The following CPNE8 variants were observed in gnomAD, a reference collection of about 807,000 sequenced individuals.
The protein encoded by CPNE8 is copine 8, also known as copine-8.
CPNE8 carries 45 observed loss-of-function variants against 81.5 expected under a neutral mutation model. That is an observed-to-expected ratio of 0.55 (90% confidence interval 0.44 to 0.71). The LOEUF (loss-of-function observed/expected upper bound fraction) is 0.71, where lower values mean the gene tolerates loss of function less well. Among genes scored for constraint, CPNE8 ranks in the 30% least tolerant of loss-of-function variants. The pLI is 0.00. For synonymous variants in CPNE8, 252 were observed against 226.3 expected (o/e 1.11, Z -1.02); for missense variants, 594 against 672.1 (o/e 0.88, Z 1.28).
In CPNE8 at chr12:38,814,309, C is replaced by CTTTT. The variant is rs61444154; in HGVS notation, c.407+15066_407+15069dup. On this transcript the variant is annotated intron_variant, in intron 6 of 19. Transcript: ENST00000331366. ...AGAAAGTTTAAGGAGCCAGACCTGG[C>CTTTT]TTTTTTTTTTTTTTTTTTTTTTTTT... 5.5e-4 allele frequency among the ~76,000 whole-genome samples: 27 copies of CTTTT among 49,172 alleles called. 5 individuals carry two copies. Among genetic ancestry groups the CTTTT allele is most frequent in the Non-Finnish European group, 8.3e-4 (24 of 28,844 alleles). The allele number at this position is 49,172 out of a possible 152,430, so 32.3% of individuals were successfully genotyped here.
chr12:38,859,817 C>T (rs1274893473), intron 3 of CPNE8, among the ~76,000 whole-genome samples: 1 of 152,014 alleles, frequency 6.6e-6, no homozygotes, highest in African/African-American at 2.4e-5. Context: ...GGGAAGAGAT[C>T]ATTTCTTCAA....
At chr12:38,799,203 T>C (rs906110676) in intron 6 of CPNE8, among the ~76,000 whole-genome samples, 2 of 152,114 alleles carry the variant, frequency 1.3e-5, no homozygotes, top group African/African-American at 2.4e-5. Flanking sequence ...GGGGACCTAA[T>C]AGACATCTAC....
intron 12 of CPNE8, among the ~76,000 whole-genome samples, chr12:38,724,642 A>AAGTCACT (rs1940651210): frequency 1.3e-5 from 2 of 152,238 alleles, no homozygotes; most frequent in African/African-American, 4.8e-5. Context: ...ACAAGAAGCC[A>AAGTCACT]AGTCACTACC....
intron 19 of CPNE8, among the ~76,000 whole-genome samples, chr12:38,665,242 T>C (rs994366129): frequency 3.9e-5 from 6 of 152,228 alleles, no homozygotes; most frequent in African/African-American, 1.4e-4. Flanking sequence ...GAGAAACTTT[T>C]GTCCAAAATA....
chr12:38,870,471 G>A (rs1263114187), intron 3 of CPNE8, among the ~76,000 whole-genome samples: 1 of 152,150 alleles, frequency 6.6e-6, no homozygotes, highest in Admixed American at 6.5e-5. Flanking sequence ...CATAAAAAAG[G>A]ATGAGTTCAT....
At chr12:38,770,333 C>A (rs902443175) in intron 7 of CPNE8, among the ~76,000 whole-genome samples, 5 of 152,162 alleles carry the variant, frequency 3.3e-5, no homozygotes, top group Admixed American at 3.3e-4. Context: ...TCCAGTCCAC[C>A]ACCAGTTGCA....
chr12:38,666,553 T>C (rs1939060155), intron 19 of CPNE8, among the ~76,000 whole-genome samples: 1 of 152,102 alleles, frequency 6.6e-6, no homozygotes, highest in Non-Finnish European at 1.5e-5. Context: ...TTTGAAAGTA[T>C]AGGATTTCGA....
rs1398024616 is a variant in CPNE8, at chr12:38,730,243, A to G, written c.798+40T>C. On this transcript the variant is annotated intron_variant, in intron 11 of 19. Coordinates refer to ENST00000331366, the MANE Select transcript of CPNE8 (RefSeq NM_153634.3). ...ACACTTTTAAAGCACAGATTTATTT[A>G]TTCTAGAAAAAAACAATGGTAAAAT... 5 of 1,189,486 alleles carry G rather than the reference A, an allele frequency of 4.2e-6. No individual in the cohort carries two copies. In the Admixed American group the frequency reaches 8.7e-5, roughly 21 times the overall value. The allele number at this position is 1,189,486 out of a possible 1,614,324, so 73.7% of individuals were successfully genotyped here.
intron 13 of CPNE8, among the ~76,000 whole-genome samples, chr12:38,719,619 C>A (rs1332497583): frequency 3.3e-5 from 5 of 149,558 alleles, no homozygotes; most frequent in African/African-American, 9.8e-5. Context: ...AGAAATTGTG[C>A]CAATTGCTCT....
At chr12:38,753,203 G>T (rs983683058) in intron 10 of CPNE8, among the ~76,000 whole-genome samples, 5 of 152,170 alleles carry the variant, frequency 3.3e-5, no homozygotes, top group Non-Finnish European at 7.3e-5. Context: ...TGTAATCTCA[G>T]CACTTTGGGA....
chr12:38,787,826 A>G (rs1170338929), intron 6 of CPNE8, among the ~76,000 whole-genome samples: 1 of 151,820 alleles, frequency 6.6e-6, no homozygotes, highest in Non-Finnish European at 1.5e-5. Flanking sequence ...CTATATGCCA[A>G]TAAGTTAAGA....
At chr12:38,807,040 A>T (rs1333780788) in intron 6 of CPNE8, among the ~76,000 whole-genome samples, 1 of 152,162 alleles carries the variant, frequency 6.6e-6, no homozygotes, top group Admixed American at 6.6e-5. Flanking sequence ...AATCCAACTT[A>T]CAAGGGATGT....
intron 1 of CPNE8, among the ~76,000 whole-genome samples, 186 bp from the exon 2 acceptor site, chr12:38,874,697 A>G (rs1003811282): frequency 2.0e-5 from 3 of 152,172 alleles, no homozygotes; most frequent in African/African-American, 7.2e-5. Flanking sequence ...TTCAGACTGA[A>G]CATCACTGGA....
At chr12:38,904,460 G>GTTTTTTTTTTTTTTTTTTTTT (rs200928843) in intron 1 of CPNE8, among the ~76,000 whole-genome samples, 1 of 130,520 alleles carries the variant, frequency 7.7e-6, no homozygotes, top group African/African-American at 2.9e-5. Context: ...TTGAAAGTCA[G>GTTTTTTTTTTTTTTTTTTTTT]TTTTTTTTTG....
intron 16 of CPNE8, among the ~76,000 whole-genome samples, chr12:38,678,813 A>G (rs1939347093): frequency 6.6e-6 from 1 of 151,918 alleles, no homozygotes; most frequent in African/African-American, 2.4e-5. Flanking sequence ...CCCTGTAAGC[A>G]GGATGTTGAA....
intron 7 of CPNE8, among the ~76,000 whole-genome samples, chr12:38,769,006 T>C (rs1941746964): frequency 6.6e-6 from 1 of 152,224 alleles, no homozygotes; most frequent in African/African-American, 2.4e-5. Context: ...ACACCTAAAC[T>C]TTTAATTATT....
intron 6 of CPNE8, among the ~76,000 whole-genome samples, chr12:38,789,780 T>C (rs1441779059): frequency 6.6e-6 from 1 of 151,530 alleles, no homozygotes; most frequent in African/African-American, 2.4e-5. Flanking sequence ...ATTGAAAAAA[T>C]GGGCAAAAGA....
chr12:38,722,277 T>A lies in CPNE8; in HGVS notation c.914+1495A>T, dbSNP rs374088012. Among the ~76,000 whole-genome samples, 126 of 152,376 alleles carry A rather than the reference T, an allele frequency of 8.3e-4. No individual in the cohort carries two copies. The East Asian group carries it at 9.1e-3, about 11-fold the overall frequency. On this transcript the variant is annotated intron_variant, in intron 13 of 19. Coordinates refer to ENST00000331366, the MANE Select transcript of CPNE8 (RefSeq NM_153634.3). ...TGGAATACTAAGAGTTGGCAAACTT[T>A]TTTTTCTACTTTGTACTTTAACTTT...
intron 6 of CPNE8, among the ~76,000 whole-genome samples, chr12:38,821,382 C>T (rs1017334239): frequency 2.6e-5 from 4 of 152,084 alleles, no homozygotes; most frequent in Admixed American, 2.0e-4. Context: ...TCCCTAAAAC[C>T]TCTATTATAC....
Sources: gnomAD v4.1 joint callset for allele counts (sites outside exome capture counted in the v4.1 genomes callset) on GRCh38, gnomAD v4.1.1 for gene constraint, MANE v1.5 for transcripts, NCBI Gene and HGNC (gene_info 2026-07-23, HGNC 2026-07-21) for gene names.